Variants in CHCHD4 observed in about 807,000 individuals in gnomAD.
The protein encoded by CHCHD4 is mitochondrial intermembrane space import and assembly protein 40.
Under a neutral mutation model 12.4 loss-of-function variants are expected in CHCHD4, and 7 were observed. That is an observed-to-expected ratio of 0.57 (90% CI 0.32 to 1.06). The LOEUF (loss-of-function observed/expected upper bound fraction) is 1.06. Among genes scored for constraint, CHCHD4 ranks in the 50% least tolerant of loss-of-function variants. CHCHD4 has a pLI of 0.04. For missense variants in CHCHD4, 143 were observed against 175.1 expected, an observed-to-expected ratio of 0.82 and a Z score of 1.03; for synonymous variants, 56 against 58.0, an observed-to-expected ratio of 0.97 and a Z score of 0.16.
chr3:14,113,302 A>G, intron 2 of CHCHD4, 108 bp from the exon 3 acceptor site: 2 of 870,036 alleles, frequency 2.3e-6, no homozygotes, highest in South Asian at 1.8e-5. Flanking sequence ...ATTGTTGCCT[A>G]TGGACCCACA....
chr3:14,117,324 T>G (rs1192424177), intron 1 of CHCHD4, among the ~76,000 whole-genome samples: 5 of 152,176 alleles, frequency 3.3e-5, no homozygotes, highest in Non-Finnish European at 7.4e-5. Flanking sequence ...TATTAGGAGC[T>G]TCTCCTCACT....
chr3:14,124,733 T>C lies in CHCHD4; in HGVS notation c.-57A>G. 1 of 1,507,288 alleles carries C rather than the reference T, an allele frequency of 6.6e-7. No individual in the cohort carries two copies. Among genetic ancestry groups the C allele is most frequent in the East Asian group, 2.7e-5 (1 of 37,222 alleles). The allele number at this position is 1,507,288 out of a possible 1,614,324, so 93.4% of individuals were successfully genotyped here. ...GCGGCGGTGGCGGCAGCTGCACCTT[T>C]ACGCCGTGACCTCCCTCTCCTCTGG... On this transcript the variant is annotated 5_prime_UTR_variant, in exon 1 of 3. Transcript: ENST00000396914.
At chr3:14,123,385 A>C (rs139915077) in intron 1 of CHCHD4, among the ~76,000 whole-genome samples, 1 of 152,364 alleles carries the variant, frequency 6.6e-6, no homozygotes, top group African/African-American at 2.4e-5. Context: ...ACTTTTGCTT[A>C]TGGCACACAT....
At position 14,122,091 on chromosome 3, in the gene CHCHD4, AG is replaced by A. The variant is rs766378389; in HGVS notation, c.22+2563del. 24 of 1,580,274 alleles carry A rather than the reference AG, an allele frequency of 1.5e-5. No homozygotes were observed. The South Asian group carries it at 2.5e-4, about 16-fold the overall frequency. ...AGGAACCATCCTGGGCAAAGCCTGGAGGGCAAAAGGAGGGTTTTAAGTAGTG... is the reference window on the plus strand; with the variant it reads ...AGGAACCATCCTGGGCAAAGCCTGGAGGCAAAAGGAGGGTTTTAAGTAGTG... On this transcript the variant is annotated intron_variant, in intron 1 of 2. Coordinates refer to ENST00000396914, the MANE Select transcript of CHCHD4 (RefSeq NM_001098502.2).
At chr3:14,116,670 T>C (rs2124975966) in intron 1 of CHCHD4, 146 bp from the exon 2 acceptor site, 2 of 673,050 alleles carry the variant, frequency 3.0e-6, no homozygotes, top group Middle Eastern at 2.4e-4. Flanking sequence ...TGCTCTCATA[T>C]GCTAGGGGTA....
Position 14,116,471 on chromosome 3 carries a change from C to T in CHCHD4, c.76G>A (p.Ala26Thr), listed in dbSNP as rs1694877334. ...TKEDHETPSS[A>T]ELVADDPNDP... ...TTGGGGTCATCAGCCACCAATTCTGCACTGCTTGGAGTTTCATGATCTTCT... is the reference window on the plus strand; with the variant it reads ...TTGGGGTCATCAGCCACCAATTCTGTACTGCTTGGAGTTTCATGATCTTCT... Residue 26 changes from alanine to threonine, a missense_variant, in exon 2 of 3, where the codon GCA becomes ACA. Ala to Thr is a moderately conservative substitution (Grantham distance 58). Transcript: ENST00000396914. 6.2e-7 allele frequency: 1 copy of T among 1,613,972 alleles called. No homozygotes were observed. Among genetic ancestry groups the T allele is most frequent in the Non-Finnish European group, 8.5e-7 (1 of 1,179,840 alleles).
chr3:14,112,885 C>T lies in CHCHD4; in HGVS notation c.*2G>A, dbSNP rs768052475. Reference sequence around the variant, plus strand: ...CTGGTGCCCAGTGCCTTGTGGCCTTCATTAACTTGATCCCTCCTCTTCTTT... The same window carrying T: ...CTGGTGCCCAGTGCCTTGTGGCCTTTATTAACTTGATCCCTCCTCTTCTTT... On this transcript the variant is annotated 3_prime_UTR_variant, in exon 3 of 3. Coordinates refer to ENST00000396914, the MANE Select transcript of CHCHD4 (RefSeq NM_001098502.2). The T allele has an allele frequency of 5.6e-6, 9 of 1,608,050 alleles. No individual in the cohort carries two copies. The Admixed American group carries it at 1.5e-4, about 27-fold the overall frequency.
chr3:14,123,874 T>G (rs540014772), intron 1 of CHCHD4, among the ~76,000 whole-genome samples: 248 of 152,174 alleles, frequency 1.6e-3, no homozygotes, highest in Non-Finnish European at 2.4e-3. Flanking sequence ...TAGAGTAACA[T>G]CAAGGAAGCA....
chr3:14,116,428 T>G lies in CHCHD4; in HGVS notation c.119A>C (p.His40Pro). ...ADDPNDPYEE[H>P]GLILPNGNIN... is the part of the protein sequence containing the mutation. Reference sequence around the variant, plus strand: ...CTGGGAGGCCACATGTCACTCACCATGCTCCTCGTATGGATCGTTGGGGTC... The same window carrying G: ...CTGGGAGGCCACATGTCACTCACCAGGCTCCTCGTATGGATCGTTGGGGTC... The change falls in exon 2 of 3, where the codon CAT (histidine) becomes CCT (proline). Residue 40 changes from histidine (H) to proline (P), a missense_variant and splice_region_variant. Coordinates refer to ENST00000396914, the MANE Select transcript of CHCHD4 (RefSeq NM_001098502.2). 1 of 1,601,880 alleles carries G rather than the reference T, an allele frequency of 6.2e-7. No homozygotes were observed. Among genetic ancestry groups the G allele is most frequent in the Non-Finnish European group, 8.5e-7 (1 of 1,172,998 alleles).
intron 2 of CHCHD4, among the ~76,000 whole-genome samples, chr3:14,114,656 T>C (rs1270289846): frequency 6.6e-6 from 1 of 152,170 alleles, no homozygotes; most frequent in East Asian, 1.9e-4. Context: ...GACCAGGTGG[T>C]TGATTAAAAA....
In CHCHD4 at chr3:14,121,967, G is replaced by A. The variant is rs1473917280; in HGVS notation, c.22+2688C>T. On this transcript the variant is annotated intron_variant, in intron 1 of 2. Transcript: ENST00000396914. ...GTACCTGGTGGTCACAGATGAATAC[G>A]ACACAGGCATCCAGTGGAGAAGACG... is the stretch of plus-strand genomic sequence containing the variant. 3.1e-6 allele frequency: 5 copies of A among 1,613,940 alleles called. No homozygotes were observed. In the Admixed American group the frequency reaches 5.0e-5, roughly 16 times the overall value.
intron 1 of CHCHD4, chr3:14,122,128 C>A (rs762597696): frequency 1.3e-6 from 2 of 1,523,394 alleles, no homozygotes; most frequent in Non-Finnish European, 1.8e-6. Context: ...TTCGCTCACA[C>A]GTGTTTAGGA....
Position 14,124,808 on chromosome 3 carries a change from G to A in CHCHD4, c.-132C>T. The stretch of plus-strand genomic sequence containing the variant: ...CGCGGACCCGCCCCCTCCCAGGCCT[G>A]CCCGCCGCGCGCCTGCCTCGGCGCC... On this transcript the variant is annotated 5_prime_UTR_variant, in exon 1 of 3. Transcript: ENST00000396914. 3.6e-6 allele frequency: 4 copies of A among 1,103,668 alleles called. No individual in the cohort carries two copies. Among genetic ancestry groups the A allele is most frequent in the Non-Finnish European group, 5.0e-6 (4 of 794,486 alleles). 68.4% of individuals were successfully genotyped at this position (1,103,668 alleles called of 1,614,324 possible). A position where few individuals can be genotyped will look rare whatever the true frequency, so the allele number is the denominator to read the frequency against.
chr3:14,121,345 T>C (rs1694931898), intron 1 of CHCHD4, among the ~76,000 whole-genome samples: 1 of 152,218 alleles, frequency 6.6e-6, no homozygotes, highest in African/African-American at 2.4e-5. Flanking sequence ...ATGACGCTAC[T>C]CCTGCTCTGT....
intron 1 of CHCHD4, chr3:14,121,945 C>G: frequency 6.2e-7 from 1 of 1,613,862 alleles, no homozygotes; most frequent in African/African-American, 1.3e-5. Context: ...TGTGGTAGTA[C>G]CTGGTGGTCA....
intron 2 of CHCHD4, among the ~76,000 whole-genome samples, chr3:14,116,055 C>T (rs1694873276): frequency 6.6e-6 from 1 of 152,210 alleles, no homozygotes; most frequent in African/African-American, 2.4e-5. Flanking sequence ...AGGGACTTCA[C>T]CAACCTTACA....
At position 14,112,662 on chromosome 3, in the gene CHCHD4, TGGC is replaced by T; in HGVS notation, c.*222_*224del. 1 of 443,386 alleles carries T rather than the reference TGGC, an allele frequency of 2.3e-6. No individual in the cohort carries two copies. The highest frequency in any genetic ancestry group is 4.0e-6 in the Non-Finnish European group (1 of 251,752). The allele number at this position is 443,386 out of a possible 1,614,324, so 27.5% of individuals were successfully genotyped here. A position where few individuals can be genotyped will look rare whatever the true frequency, so the allele number is the denominator to read the frequency against. On this transcript the variant is annotated 3_prime_UTR_variant, in exon 3 of 3. Coordinates refer to ENST00000396914, the MANE Select transcript of CHCHD4 (RefSeq NM_001098502.2). ...TCAGGGCAATCTGAGAATTCAAAAGTGGCGGCCACAGGTTTGGGTAGGACACAC... is the reference window on the plus strand; with the variant it reads ...TCAGGGCAATCTGAGAATTCAAAAGTGGCCACAGGTTTGGGTAGGACACAC...
Position 14,113,080 on chromosome 3 carries a change from G to A in CHCHD4, c.236C>T (p.Thr79Met), listed in dbSNP as rs758658272. The change falls in exon 3 of 3, where the codon ACG becomes ATG. Residue 79 changes from threonine to methionine, a missense_variant. By Grantham distance (81) the Thr-to-Met change is moderately conservative (BLOSUM62 -1). Transcript: ENST00000396914. ...KSAFSCFHYSTEEIKGSDCVD... is the reference protein window; with the variant it reads ...KSAFSCFHYSMEEIKGSDCVD... Reference sequence around the variant, plus strand: ...ACAGTCTGACCCCTTGATCTCCTCCGTGCTATAGTGGAAGCAGGAAAAGGC... The same window carrying A: ...ACAGTCTGACCCCTTGATCTCCTCCATGCTATAGTGGAAGCAGGAAAAGGC... The A allele has an allele frequency of 1.2e-5, 20 of 1,613,870 alleles. No homozygotes were observed. The highest frequency in any genetic ancestry group is 1.6e-4 in the Middle Eastern group (1 of 6,084).
At chr3:14,120,733 G>A (rs561505876) in intron 1 of CHCHD4, among the ~76,000 whole-genome samples, 3 of 152,282 alleles carry the variant, frequency 2.0e-5, no homozygotes, top group African/African-American at 7.2e-5. Flanking sequence ...CAAAGTGGGT[G>A]TTCAATATTT....
Sources: allele counts gnomAD v4.1 joint callset (sites outside exome capture counted in the v4.1 genomes callset), GRCh38; gene constraint gnomAD v4.1.1; transcripts MANE v1.5; gene names NCBI Gene and HGNC (gene_info 2026-07-23, HGNC 2026-07-21).